The following TNFRSF19 variants were observed in gnomAD, a reference collection of about 807,000 sequenced individuals.
TNFRSF19 encodes TNF receptor superfamily member 19.
A neutral mutation model predicts 46.4 loss-of-function variants in TNFRSF19; 27 were observed. The ratio of observed to expected loss-of-function variants is 0.58; its 90% CI spans 0.43 to 0.80. TNFRSF19 has a LOEUF of 0.80. Among genes scored for constraint, TNFRSF19 ranks in the 30% least tolerant of loss-of-function variants. The pLI, the probability that TNFRSF19 is intolerant of heterozygous loss-of-function variation, is 0.00. For missense variants in TNFRSF19, 511 were observed against 530.8 expected, an observed-to-expected ratio of 0.96 and a Z score of 0.37; for synonymous variants, 204 against 205.0, an observed-to-expected ratio of 1.00 and a Z score of 0.04.
At chr13:23,624,843 C>T (rs1881887252) in intron 4 of TNFRSF19, among the ~76,000 whole-genome samples, 1 of 151,860 alleles carries the variant, frequency 6.6e-6, no homozygotes, top group African/African-American at 2.4e-5. Context: ...CTCTGCCTCC[C>T]AGGTTCATGT....
chr13:23,618,626 T>C (rs573291992), intron 4 of TNFRSF19, among the ~76,000 whole-genome samples: 1 of 152,222 alleles, frequency 6.6e-6, no homozygotes, highest in Admixed American at 6.5e-5. Context: ...AAGTTAGACA[T>C]AGAGTTACCA....
chr13:23,661,340 G>C (rs1365139606), intron 7 of TNFRSF19, among the ~76,000 whole-genome samples: 1 of 152,142 alleles, frequency 6.6e-6, no homozygotes, highest in Non-Finnish European at 1.5e-5. Context: ...ATGGCCTCCA[G>C]CTCCATCCAT....
chr13:23,576,269 G>T (rs897165853), intron 1 of TNFRSF19, among the ~76,000 whole-genome samples: 1 of 151,996 alleles, frequency 6.6e-6, no homozygotes, highest in Admixed American at 6.6e-5. Flanking sequence ...TAGTAGCTGG[G>T]ATTACAGGCA....
Position 23,668,088 on chromosome 13 carries a change from T to C in TNFRSF19, c.839+6T>C. ...GCAGCCAGTCTTCAGGCAAGGTAAC[T>C]AGGTGCTTTCAATCAATCATTTCAT... On this transcript the variant is annotated splice_donor_region_variant and intron_variant, in intron 8 of 9. Transcript: ENST00000248484. 6.3e-7 allele frequency: 1 copy of C among 1,596,150 alleles called. No individual in the cohort carries two copies. The highest frequency in any genetic ancestry group is 8.5e-7 in the Non-Finnish European group (1 of 1,171,390).
At chr13:23,642,865 A>G (rs992355385) in intron 5 of TNFRSF19, among the ~76,000 whole-genome samples, 2 of 152,236 alleles carry the variant, frequency 1.3e-5, no homozygotes, top group Admixed American at 6.5e-5. Flanking sequence ...TTTACTCCTC[A>G]TTGACTAAAA....
At chr13:23,595,290 G>C (rs2138194178) in intron 3 of TNFRSF19, among the ~76,000 whole-genome samples, 1 of 152,256 alleles carries the variant, frequency 6.6e-6, no homozygotes, top group Non-Finnish European at 1.5e-5. Flanking sequence ...GCTTCAGAAG[G>C]TGGGTAATAA....
intron 5 of TNFRSF19, among the ~76,000 whole-genome samples, chr13:23,633,798 G>T (rs866356472): frequency 6.6e-6 from 1 of 152,186 alleles, no homozygotes; most frequent in Non-Finnish European, 1.5e-5. Context: ...GCAGTGAGCC[G>T]AGATCGTACC....
chr13:23,621,419 G>A lies in TNFRSF19; in HGVS notation c.360-5288G>A, dbSNP rs113583728. On this transcript the variant is annotated intron_variant, in intron 4 of 9. Transcript: ENST00000248484. ...GGTGCTAGCAAGAGCCCAGGACAGA[G>A]CAACGCTGTCATCCAGTGTCTCACA... Among the ~76,000 whole-genome samples, 829 of 152,296 alleles carry A rather than the reference G, an allele frequency of 5.4e-3. 10 individuals carry two copies. Among genetic ancestry groups the A allele is most frequent in the African/African-American group, 0.019 (781 of 41,544 alleles).
intron 4 of TNFRSF19, among the ~76,000 whole-genome samples, chr13:23,618,618 GTT>G (rs774818664): frequency 7.2e-5 from 11 of 152,296 alleles, no homozygotes; most frequent in Admixed American, 4.6e-4. Flanking sequence ...CCTTCAGAAA[GTT>G]AGACATAGAG....
chr13:23,605,565 C>A (rs183135595), intron 3 of TNFRSF19, among the ~76,000 whole-genome samples: 82 of 152,142 alleles, frequency 5.4e-4, no homozygotes, highest in African/African-American at 1.7e-3. Context: ...AGCAACCCAG[C>A]GGTACTTTAG....
chr13:23,627,002 TCA>T (rs1054387432), intron 5 of TNFRSF19, among the ~76,000 whole-genome samples: 1 of 152,198 alleles, frequency 6.6e-6, no homozygotes, highest in Admixed American at 6.5e-5. Context: ...GATTTGAATC[TCA>T]GAGTGGAGTG....
rs540244774 is a variant in TNFRSF19 at position 23,640,295 on chromosome 13, C to T, written c.445+13503C>T. 5.3e-5 allele frequency among the ~76,000 whole-genome samples: 8 copies of T among 152,248 alleles called. No homozygotes were observed. The South Asian group carries it at 1.7e-3, about 32-fold the overall frequency. On this transcript the variant is annotated intron_variant, in intron 5 of 9. Coordinates refer to ENST00000248484, the MANE Select transcript of TNFRSF19 (RefSeq NM_148957.4). Reference sequence around the variant, plus strand: ...TACTTTTAAAAATCAATTTTAGTAACCAAACAGGATGCTAATACAGGTCAG... The same window carrying T: ...TACTTTTAAAAATCAATTTTAGTAATCAAACAGGATGCTAATACAGGTCAG...
intron 4 of TNFRSF19, among the ~76,000 whole-genome samples, chr13:23,625,031 C>T (rs1391677197): frequency 5.3e-5 from 8 of 152,080 alleles, no homozygotes; most frequent in South Asian, 4.1e-4. Flanking sequence ...GGATTACAGG[C>T]GTGAGTCACT....
At chr13:23,632,274 A>G (rs901217008) in intron 5 of TNFRSF19, among the ~76,000 whole-genome samples, 1 of 152,248 alleles carries the variant, frequency 6.6e-6, no homozygotes, top group African/African-American at 2.4e-5. Context: ...TCAGGAACAC[A>G]TAACTGCTAC....
intron 4 of TNFRSF19, among the ~76,000 whole-genome samples, chr13:23,618,808 C>T (rs544722934): frequency 4.9e-4 from 75 of 152,260 alleles, no homozygotes; most frequent in Middle Eastern, 3.4e-3. Context: ...GTTGCCAGTG[C>T]GATTATATTA....
chr13:23,625,224 G>C (rs1237811101), intron 4 of TNFRSF19, among the ~76,000 whole-genome samples: 1 of 151,984 alleles, frequency 6.6e-6, no homozygotes, highest in Non-Finnish European at 1.5e-5. Context: ...AAGGACACCT[G>C]GCATTCTATT....
chr13:23,631,696 A>G (rs1394557750), intron 5 of TNFRSF19, among the ~76,000 whole-genome samples: 2 of 152,246 alleles, frequency 1.3e-5, no homozygotes, highest in African/African-American at 4.8e-5. Context: ...AAAGGAAATA[A>G]ATTGGGAGCA....
intron 5 of TNFRSF19, among the ~76,000 whole-genome samples, chr13:23,658,553 T>G (rs904398798): frequency 6.6e-6 from 1 of 152,234 alleles, no homozygotes; most frequent in Non-Finnish European, 1.5e-5. Context: ...GTTTACTGTC[T>G]CAAAAACTGG....
intron 1 of TNFRSF19, among the ~76,000 whole-genome samples, chr13:23,573,908 A>G (rs1022643259): frequency 1.3e-5 from 2 of 151,934 alleles, no homozygotes; most frequent in African/African-American, 4.8e-5. Flanking sequence ...TAAAAATACA[A>G]AAAATTAGCC....
Sources: allele counts gnomAD v4.1 joint callset (sites outside exome capture counted in the v4.1 genomes callset), GRCh38; gene constraint gnomAD v4.1.1; transcripts MANE v1.5; gene names NCBI Gene and HGNC (gene_info 2026-07-23, HGNC 2026-07-21).